SLA2: variants seen among roughly 807,000 people sequenced by gnomAD.
SLA2 encodes the protein src-like-adapter 2.
SLA2 carries 22 observed loss-of-function variants against 27.3 expected under a neutral mutation model. The ratio of observed to expected loss-of-function variants is 0.81; its 90% CI spans 0.58 to 1.15. SLA2 has a LOEUF of 1.15. Ranked by LOEUF, SLA2 falls within the 50% of genes most tolerant of loss-of-function variation. The pLI, the probability that SLA2 is intolerant of heterozygous loss-of-function variation, is 0.00. For synonymous variants in SLA2, 131 were observed against 137.8 expected, an observed-to-expected ratio of 0.95 and a Z score of 0.34; for missense variants, 304 against 322.2, an observed-to-expected ratio of 0.94 and a Z score of 0.43.
chr20:36,626,263 G>A (rs1254303589), intron 5 of SLA2, among the ~76,000 whole-genome samples: 18 of 151,808 alleles, frequency 1.2e-4, no homozygotes, highest in African/African-American at 3.9e-4. Flanking sequence ...GTGGTGGCAC[G>A]CACCTGTAAT....
intron 7 of SLA2, 118 bp from the exon 8 acceptor site, chr20:36,614,104 C>T (rs1600813155): frequency 2.0e-6 from 3 of 1,496,544 alleles, no homozygotes; most frequent in African/African-American, 1.4e-5. Context: ...TCATGGGGCT[C>T]CCCTGTTCCC....
intron 5 of SLA2, among the ~76,000 whole-genome samples, chr20:36,622,012 T>C (rs989832024): frequency 6.6e-6 from 1 of 151,794 alleles, no homozygotes; most frequent in Non-Finnish European, 1.5e-5. Flanking sequence ...GAAGACTCTG[T>C]CTCAATCAAT....
chr20:36,616,595 A>G (rs186354339), intron 5 of SLA2, among the ~76,000 whole-genome samples: 7 of 152,060 alleles, frequency 4.6e-5, no homozygotes, highest in Admixed American at 4.6e-4. Flanking sequence ...AGCCTCCCAA[A>G]GTGCTGGGAT....
Position 36,634,586 on chromosome 20 carries a change from C to G in SLA2, c.95G>C (p.Arg32Thr). 1 of 1,599,878 alleles carries G rather than the reference C, an allele frequency of 6.3e-7. No homozygotes were observed. The highest frequency in any genetic ancestry group is 2.2e-5 in the East Asian group (1 of 44,448). The change falls in exon 3 of 8, where the codon AGA becomes ACA. Residue 32 changes from arginine (R) to threonine (T), a missense_variant. Physicochemically the swap from Arg to Thr is moderately conservative, Grantham distance 71 (BLOSUM62 -1). Coordinates refer to ENST00000262866, the MANE Select transcript of SLA2 (RefSeq NM_032214.4). ...CAGGGCCACGGCTGTGGCCTTGCTT[C>G]TCTCTAGATGGAGGGACAGAAATAG... ...GQGPVTMEAE[R>T]SKATAVALGS...
At chr20:36,624,417 A>G (rs1037053812) in intron 5 of SLA2, among the ~76,000 whole-genome samples, 1 of 152,038 alleles carries the variant, frequency 6.6e-6, no homozygotes, top group Non-Finnish European at 1.5e-5. Flanking sequence ...TGTCCTCTGA[A>G]CGCTGCTTTG....
intron 2 of SLA2, among the ~76,000 whole-genome samples, chr20:36,637,171 C>T (rs1341207108): frequency 6.7e-6 from 1 of 150,018 alleles, no homozygotes; most frequent in African/African-American, 2.5e-5. Context: ...TCAAGATCTA[C>T]CTCTAAGGTG....
At position 36,615,284 on chromosome 20, in the gene SLA2, A is replaced by T; in HGVS notation, c.473T>A (p.Leu158Gln). The change falls in exon 6 of 8, where the codon CTG becomes CAG. Residue 158 changes from leucine (L) to glutamine (Q), a missense_variant. Leu to Gln is a moderately radical substitution (Grantham distance 113). Transcript: ENST00000262866. ...GAAGGTGAGGCGCGGTGAGATGTACAGCCAGCCATTGTCAAGGCAGTGGAT... is the reference window on the plus strand; with the variant it reads ...GAAGGTGAGGCGCGGTGAGATGTACTGCCAGCCATTGTCAAGGCAGTGGAT... Reference protein sequence around the residue: ...YRIHCLDNGWLYISPRLTFPS... With the variant: ...YRIHCLDNGWQYISPRLTFPS... 6.2e-7 allele frequency: 1 copy of T among 1,614,154 alleles called. No homozygotes were observed. The highest frequency in any genetic ancestry group is 8.5e-7 in the Non-Finnish European group (1 of 1,180,030).
intron 5 of SLA2, among the ~76,000 whole-genome samples, chr20:36,626,584 A>T (rs1273191741): frequency 6.6e-6 from 1 of 151,364 alleles, no homozygotes; most frequent in Admixed American, 6.6e-5. Context: ...GCGGTGGCTC[A>T]TGCCTGTAAT....
chr20:36,613,799 G>A lies in SLA2; in HGVS notation c.*67C>T. 2 of 1,467,880 alleles carry A rather than the reference G, an allele frequency of 1.4e-6. No homozygotes were observed. Among genetic ancestry groups the A allele is most frequent in the Non-Finnish European group, 1.8e-6 (2 of 1,085,780 alleles). 90.9% of individuals were successfully genotyped at this position (1,467,880 alleles called of 1,614,324 possible). On this transcript the variant is annotated 3_prime_UTR_variant, in exon 8 of 8. Transcript: ENST00000262866. ...GAGTGCACAGCCTTGCCTCTGGGGT[G>A]CCCAGGAGGCTGAATTGGGGTTCTA...
At chr20:36,637,756 A>C (rs1277087625) in intron 2 of SLA2, among the ~76,000 whole-genome samples, 1 of 148,676 alleles carries the variant, frequency 6.7e-6, no homozygotes, top group African/African-American at 2.5e-5. Flanking sequence ...CCTCCTGAGT[A>C]GCTGGGATTA....
intron 5 of SLA2, chr20:36,621,249 T>G (rs1328184128): frequency 5.0e-5 from 28 of 559,626 alleles, no homozygotes; most frequent in Middle Eastern, 4.4e-4. Flanking sequence ...TTGGCGCTGG[T>G]AACTATGCTG....
intron 5 of SLA2, among the ~76,000 whole-genome samples, chr20:36,622,430 CA>C (rs1346942564): frequency 7.0e-6 from 1 of 143,306 alleles, no homozygotes; most frequent in East Asian, 2.0e-4. Flanking sequence ...CAAAATTCAA[CA>C]CCCTTCATGA....
intron 4 of SLA2, 70 bp downstream of exon 4, chr20:36,633,473 C>T: frequency 1.5e-6 from 2 of 1,334,798 alleles, no homozygotes; most frequent in South Asian, 2.3e-5. Flanking sequence ...CAGAGCCGTG[C>T]ACAAAGGGGA....
At chr20:36,638,020 T>G (rs959333931) in intron 2 of SLA2, among the ~76,000 whole-genome samples, 1 of 149,920 alleles carries the variant, frequency 6.7e-6, no homozygotes, top group Non-Finnish European at 1.5e-5. Flanking sequence ...GCCTCCCGAG[T>G]AGGTGGGATT....
intron 1 of SLA2, among the ~76,000 whole-genome samples, chr20:36,644,148 G>A (rs1010541864): frequency 2.0e-5 from 3 of 152,062 alleles, no homozygotes; most frequent in African/African-American, 7.2e-5. Flanking sequence ...TCTTGAGGAG[G>A]TTTTTTGTTT....
rs367839208 is a variant in SLA2, at chr20:36,617,692, C to T, written c.383-2318G>A. Among the ~76,000 whole-genome samples, 317 of 151,038 alleles carry T rather than the reference C, an allele frequency of 2.1e-3. 2 individuals carry two copies. Among genetic ancestry groups the T allele is most frequent in the Middle Eastern group, 3.5e-3 (1 of 288 alleles). On this transcript the variant is annotated intron_variant, in intron 5 of 7. Coordinates refer to ENST00000262866, the MANE Select transcript of SLA2 (RefSeq NM_032214.4). The stretch of plus-strand genomic sequence containing the variant: ...CTAACACAGTGAAACCCCATCTCTA[C>T]TGAAAATACAAAAAATTAGCCAGGC...
chr20:36,638,619 G>A (rs1195922828), intron 2 of SLA2, among the ~76,000 whole-genome samples: 2 of 152,184 alleles, frequency 1.3e-5, no homozygotes, highest in South Asian at 2.1e-4. Flanking sequence ...ATGAGCCACC[G>A]CCCCTAGCCA....
intron 5 of SLA2, among the ~76,000 whole-genome samples, chr20:36,617,552 A>C (rs1224676418): frequency 1.3e-5 from 2 of 150,154 alleles, no homozygotes; most frequent in East Asian, 2.0e-4. Context: ...AAAAAAAAAA[A>C]AAAAATTAAA....
Position 36,612,425 on chromosome 20 carries a change from T to C in SLA2, c.*1441A>G. 1.6e-6 allele frequency: 1 copy of C among 611,820 alleles called. No homozygotes were observed. The highest frequency in any genetic ancestry group is 2.0e-5 in the South Asian group (1 of 50,526). The allele number at this position is 611,820 out of a possible 1,614,324, so 37.9% of individuals were successfully genotyped here. On this transcript the variant is annotated 3_prime_UTR_variant, in exon 8 of 8. Transcript: ENST00000262866. ...GGGTGTAGAGTTTTTAAACTATCAA[T>C]GGCATTTCAAGTCTTCTGAAACAGC...
Sources: gnomAD v4.1 joint callset for allele counts (sites outside exome capture counted in the v4.1 genomes callset) on GRCh38, gnomAD v4.1.1 for gene constraint, MANE v1.5 for transcripts, NCBI Gene and HGNC (gene_info 2026-07-23, HGNC 2026-07-21) for gene names.